The following GRXCR1 variants were observed in gnomAD, a reference collection of about 807,000 sequenced individuals.
The protein encoded by GRXCR1 is glutaredoxin domain-containing cysteine-rich protein 1.
Under a neutral mutation model 27.3 loss-of-function variants are expected in GRXCR1, and 27 were observed. That is an observed-to-expected ratio of 0.99 (90% confidence interval 0.73 to 1.37). GRXCR1 has a LOEUF of 1.37. Ranked by LOEUF, GRXCR1 falls within the 40% of genes most tolerant of loss-of-function variation. GRXCR1 has a pLI of 0.00. For synonymous variants in GRXCR1, 122 were observed against 131.1 expected (o/e 0.93, Z 0.47); for missense variants, 379 against 354.4 (o/e 1.07, Z -0.56).
chr4:42,913,923 G>A (rs2109746651), intron 1 of GRXCR1, among the ~76,000 whole-genome samples: 1 of 152,332 alleles, frequency 6.6e-6, no homozygotes. Context: ...AAAGCCCCAA[G>A]CCTTGGTGGC....
chr4:42,941,167 T>C (rs767084530), intron 1 of GRXCR1, among the ~76,000 whole-genome samples: 3 of 149,978 alleles, frequency 2.0e-5, no homozygotes, highest in Non-Finnish European at 4.5e-5. Flanking sequence ...TGAGTTGTTG[T>C]GAGAACTAAA....
chr4:43,000,825 G>A (rs1354232861), intron 2 of GRXCR1, among the ~76,000 whole-genome samples: 1 of 151,970 alleles, frequency 6.6e-6, no homozygotes, highest in East Asian at 1.9e-4. Context: ...AAACATATGG[G>A]GAAAAGTGGT....
At chr4:43,010,522 C>G (rs1280649866) in intron 2 of GRXCR1, among the ~76,000 whole-genome samples, 1 of 151,982 alleles carries the variant, frequency 6.6e-6, no homozygotes, top group African/African-American at 2.4e-5. Flanking sequence ...AGAAATATCA[C>G]CTTTCGCTAA....
At chr4:43,010,218 A>G (rs549992454) in intron 2 of GRXCR1, among the ~76,000 whole-genome samples, 1 of 152,142 alleles carries the variant, frequency 6.6e-6, no homozygotes, top group African/African-American at 2.4e-5. Flanking sequence ...CTTGGCTAAC[A>G]TGGTGAAACC....
Position 42,941,010 on chromosome 4 carries a change from A to G in GRXCR1, c.385-21882A>G, listed in dbSNP as rs545810091. On this transcript the variant is annotated intron_variant, in intron 1 of 3. Coordinates refer to ENST00000399770, the MANE Select transcript of GRXCR1 (RefSeq NM_001080476.3). ...GATTAAGCCTGATTTGCTCTATTGT[A>G]TGGTGTAGAATAATATATATTCCTG... is the stretch of plus-strand genomic sequence containing the variant. Among the ~76,000 whole-genome samples the G allele has an allele frequency of 9.2e-5, 14 of 152,148 alleles. No individual in the cohort carries two copies. In the South Asian group the frequency reaches 2.9e-3, roughly 32 times the overall value.
chr4:42,989,446 C>T (rs927882770), intron 2 of GRXCR1, among the ~76,000 whole-genome samples: 3 of 152,148 alleles, frequency 2.0e-5, no homozygotes, highest in Non-Finnish European at 4.4e-5. Flanking sequence ...AGTGTTAGGG[C>T]TTAAACATAT....
At chr4:42,940,017 C>T (rs1053721308) in intron 1 of GRXCR1, among the ~76,000 whole-genome samples, 3 of 151,810 alleles carry the variant, frequency 2.0e-5, no homozygotes, top group Admixed American at 6.6e-5. Context: ...AGCCTTTACC[C>T]GTGGAGAGCA....
chr4:43,024,545 TA>T (rs1382739081), intron 3 of GRXCR1, among the ~76,000 whole-genome samples: 1 of 152,202 alleles, frequency 6.6e-6, no homozygotes, highest in Admixed American at 6.5e-5. Context: ...TAAGTAGGTT[TA>T]TGGCAGTTCA....
chr4:43,014,430 C>T (rs1712867008), intron 2 of GRXCR1, among the ~76,000 whole-genome samples: 1 of 152,178 alleles, frequency 6.6e-6, no homozygotes. Flanking sequence ...TGGCAGGCAT[C>T]ATGCTAGGTG....
intron 2 of GRXCR1, among the ~76,000 whole-genome samples, chr4:42,994,682 C>CTAT: frequency 6.6e-6 from 1 of 152,060 alleles, no homozygotes; most frequent in African/African-American, 2.4e-5. Context: ...CTGAGAATAC[C>CTAT]TAGTAAAGTA....
chr4:42,906,839 C>T (rs1167910745), intron 1 of GRXCR1, among the ~76,000 whole-genome samples: 1 of 152,064 alleles, frequency 6.6e-6, no homozygotes, highest in Non-Finnish European at 1.5e-5. Flanking sequence ...GATAAACTGA[C>T]AACAAACCAA....
At chr4:42,973,362 C>A (rs574938826) in intron 2 of GRXCR1, among the ~76,000 whole-genome samples, 1 of 152,264 alleles carries the variant, frequency 6.6e-6, no homozygotes, top group South Asian at 2.1e-4. Flanking sequence ...ACAAATTGCT[C>A]AACATCTTTT....
chr4:42,966,216 A>G (rs957172534), intron 2 of GRXCR1, among the ~76,000 whole-genome samples: 3 of 152,004 alleles, frequency 2.0e-5, no homozygotes, highest in African/African-American at 4.8e-5. Flanking sequence ...TACAACATAA[A>G]TTATCTTAGA....
At chr4:42,993,967 T>C (rs189876315) in intron 2 of GRXCR1, among the ~76,000 whole-genome samples, 1 of 152,244 alleles carries the variant, frequency 6.6e-6, no homozygotes, top group African/African-American at 2.4e-5. Flanking sequence ...TGATCGTAAG[T>C]CATTATTTGA....
intron 1 of GRXCR1, among the ~76,000 whole-genome samples, chr4:42,960,314 A>C (rs981292660): frequency 6.6e-6 from 1 of 151,990 alleles, no homozygotes; most frequent in Non-Finnish European, 1.5e-5. Context: ...GGAAAAATGC[A>C]TAATTACACA....
Position 43,006,442 on chromosome 4 carries a change from A to G in GRXCR1, c.628-13912A>G, listed in dbSNP as rs540406042. Among the ~76,000 whole-genome samples, 49 of 152,338 alleles carry G rather than the reference A, an allele frequency of 3.2e-4. 1 individual carries two copies. Among genetic ancestry groups the G allele is most frequent in the Non-Finnish European group, 5.9e-5 (4 of 68,028 alleles). Reference sequence around the variant, plus strand: ...GGAACATCCCTGGGAAAGAGAATACATGCCTGGAGATATAGGCTTATAAAC... The same window carrying G: ...GGAACATCCCTGGGAAAGAGAATACGTGCCTGGAGATATAGGCTTATAAAC... On this transcript the variant is annotated intron_variant, in intron 2 of 3. Coordinates refer to ENST00000399770, the MANE Select transcript of GRXCR1 (RefSeq NM_001080476.3).
intron 2 of GRXCR1, among the ~76,000 whole-genome samples, chr4:42,979,153 G>A (rs1439905942): frequency 1.3e-5 from 2 of 151,878 alleles, no homozygotes; most frequent in East Asian, 1.9e-4. Context: ...CTTCCTTTCT[G>A]ATTTGAATGC....
At chr4:42,941,757 T>C (rs996419045) in intron 1 of GRXCR1, among the ~76,000 whole-genome samples, 3 of 142,694 alleles carry the variant, frequency 2.1e-5, no homozygotes, top group African/African-American at 5.2e-5. Flanking sequence ...TTAAAGGTAA[T>C]AAACTGAAGG....
intron 1 of GRXCR1, among the ~76,000 whole-genome samples, chr4:42,899,518 T>C (rs181579778): frequency 2.2e-4 from 33 of 152,296 alleles, no homozygotes; most frequent in African/African-American, 5.8e-4. Context: ...CCAATGCTTA[T>C]ATTTTTCTCC....
Sources: allele counts gnomAD v4.1 joint callset (sites outside exome capture counted in the v4.1 genomes callset), GRCh38; gene constraint gnomAD v4.1.1; transcripts MANE v1.5; gene names NCBI Gene and HGNC (gene_info 2026-07-23, HGNC 2026-07-21).